Variants in HERC1 observed in about 807,000 individuals in gnomAD.
The protein encoded by HERC1 is HECT and RLD domain containing E3 ubiquitin protein ligase family member 1.
A neutral mutation model predicts 554.3 loss-of-function variants in HERC1; 160 were observed. That is an observed-to-expected ratio of 0.29 (90% CI 0.25 to 0.33). The LOEUF (loss-of-function observed/expected upper bound fraction) is 0.33, where lower values mean the gene tolerates loss of function less well. Among genes scored for constraint, HERC1 ranks in the 10% least tolerant of loss-of-function variants. The pLI is 1.00. For missense variants in HERC1, 4,919 were observed against 5,918.5 expected (o/e 0.83, Z 5.54); for synonymous variants, 2,175 against 2,131.7 (o/e 1.02, Z -0.56).
In HERC1 at chr15:63,706,679, G is replaced by A. The variant is rs2073021670; in HGVS notation, c.4636+101C>T. ...AAGACAATCATATCTAAATACATCA[G>A]ATATAAAAACAGCTTCTTAATTTAT... On this transcript the variant is annotated intron_variant, in intron 25 of 77. Coordinates refer to ENST00000443617, the MANE Select transcript of HERC1 (RefSeq NM_003922.4). The A allele has an allele frequency of 4.8e-6, 3 of 619,380 alleles. No individual in the cohort carries two copies. In the South Asian group the frequency reaches 9.2e-5, roughly 19 times the overall value. The allele number at this position is 619,380 out of a possible 1,614,324, so 38.4% of individuals were successfully genotyped here.
Position 63,640,282 on chromosome 15 carries a change from C to T in HERC1, c.11771G>A (p.Trp3924Ter). ...PDPASWNPNE[W>*]AWLECFSTTI... is the part of the protein sequence containing the mutation. ...GGTTGAGAAACATTCTAACCAGGCC[C>T]ATTCATTTGGATTCCAGGATGCAGG... The change falls in exon 61 of 78, where the codon TGG becomes TAG. Residue 3924 changes from tryptophan to a stop codon, truncating the protein, a stop_gained. Coordinates refer to ENST00000443617, the MANE Select transcript of HERC1 (RefSeq NM_003922.4). LOFTEE classifies it high-confidence loss of function. The T allele has an allele frequency of 6.2e-7, 1 of 1,613,894 alleles. No individual in the cohort carries two copies. The highest frequency in any genetic ancestry group is 2.2e-5 in the East Asian group (1 of 44,884).
At chr15:63,717,588 T>G (rs978397078) in intron 21 of HERC1, among the ~76,000 whole-genome samples, 3 of 152,238 alleles carry the variant, frequency 2.0e-5, no homozygotes, top group Non-Finnish European at 4.4e-5. Context: ...GTGAGGTGGC[T>G]CACGCCTATA....
intron 1 of HERC1, among the ~76,000 whole-genome samples, chr15:63,783,936 G>A (rs2076361873): frequency 6.6e-6 from 1 of 151,880 alleles, no homozygotes; most frequent in Non-Finnish European, 1.5e-5. Flanking sequence ...CATGGTAGTG[G>A]GCGCCTGTAA....
chr15:63,792,626 G>A (rs1039185723), intron 1 of HERC1, among the ~76,000 whole-genome samples: 2 of 152,040 alleles, frequency 1.3e-5, no homozygotes, highest in African/African-American at 4.8e-5. Flanking sequence ...TTACCTTCTT[G>A]GATGATATAG....
chr15:63,693,974 T>G lies in HERC1; in HGVS notation c.5664A>C (p.Lys1888Asn). ...AGAGGCTTACATTACCTCTGAAATCTTTCTTCTCAGTTTCTCCACTGGAGT... is the reference window on the plus strand; with the variant it reads ...AGAGGCTTACATTACCTCTGAAATCGTTCTTCTCAGTTTCTCCACTGGAGT... ...KVDSSGETEK[K>N]DFRAALRKQH... Residue 1888 changes from lysine (K) to asparagine (N), a missense_variant, in exon 30 of 78, where the codon AAA becomes AAC. By Grantham distance (94) the Lys-to-Asn change is moderately conservative. Coordinates refer to ENST00000443617, the MANE Select transcript of HERC1 (RefSeq NM_003922.4). 1.3e-6 allele frequency: 2 copies of G among 1,551,490 alleles called. No homozygotes were observed. The highest frequency in any genetic ancestry group is 1.7e-6 in the Non-Finnish European group (2 of 1,147,144).
chr15:63,628,291 C>T (rs1018940762), intron 70 of HERC1, among the ~76,000 whole-genome samples: 4 of 152,072 alleles, frequency 2.6e-5, no homozygotes, highest in African/African-American at 9.7e-5. Flanking sequence ...ACTTGGGAGG[C>T]TGAGGCAGCA....
At chr15:63,807,234 C>CT (rs1213128944) in intron 1 of HERC1, among the ~76,000 whole-genome samples, 1 of 152,210 alleles carries the variant, frequency 6.6e-6, no homozygotes, top group Non-Finnish European at 1.5e-5. Flanking sequence ...GCTTTGCACC[C>CT]TGTGAGGCTG....
intron 24 of HERC1, among the ~76,000 whole-genome samples, chr15:63,708,032 C>T (rs2073109384): frequency 6.6e-6 from 1 of 151,766 alleles, no homozygotes; most frequent in Non-Finnish European, 1.5e-5. Flanking sequence ...TACATGTACC[C>T]CTGGTGCAGA....
At chr15:63,670,175 AG>A (rs139827570) in intron 39 of HERC1, among the ~76,000 whole-genome samples, 1,881 of 152,320 alleles carry the variant, frequency 0.012, 36 homozygotes, top group African/African-American at 0.043. Flanking sequence ...TGGAAAGAAA[AG>A]GTAACTGTCT....
At chr15:63,824,976 C>T (rs1434943411) in intron 1 of HERC1, among the ~76,000 whole-genome samples, 1 of 151,644 alleles carries the variant, frequency 6.6e-6, no homozygotes, top group Non-Finnish European at 1.5e-5. Context: ...AACAAAGTTG[C>T]AGTTATGTAG....
intron 21 of HERC1, 86 bp from the exon 22 acceptor site, chr15:63,716,559 G>C (rs2073564484): frequency 2.7e-6 from 3 of 1,121,902 alleles, no homozygotes; most frequent in Admixed American, 6.0e-5. Flanking sequence ...TTTTTATCAT[G>C]GAAAATATTG....
At chr15:63,823,235 A>G (rs1442120001) in intron 1 of HERC1, among the ~76,000 whole-genome samples, 4 of 152,146 alleles carry the variant, frequency 2.6e-5, no homozygotes, top group African/African-American at 4.8e-5. Flanking sequence ...GCTCCCACGT[A>G]TAAGTGAGAA....
intron 61 of HERC1, among the ~76,000 whole-genome samples, chr15:63,639,631 T>A (rs1270659225): frequency 6.6e-6 from 1 of 152,236 alleles, no homozygotes; most frequent in African/African-American, 2.4e-5. Flanking sequence ...ACAAAGAGGT[T>A]GTTAGATCAT....
chr15:63,831,671 A>T (rs2078160535), intron 1 of HERC1, among the ~76,000 whole-genome samples: 1 of 152,056 alleles, frequency 6.6e-6, no homozygotes, highest in South Asian at 2.1e-4. Context: ...AATATTAGGG[A>T]GTATTCAGTA....
intron 7 of HERC1, among the ~76,000 whole-genome samples, chr15:63,753,586 A>T (rs1337261620): frequency 6.6e-6 from 1 of 152,008 alleles, no homozygotes; most frequent in African/African-American, 2.4e-5. Context: ...CACCAGGAAT[A>T]AAAAAAAGTA....
chr15:63,714,636 A>C (rs1596047012), intron 22 of HERC1, among the ~76,000 whole-genome samples: 1 of 126,452 alleles, frequency 7.9e-6, no homozygotes, highest in Non-Finnish European at 1.6e-5. Flanking sequence ...TGCAACCTCC[A>C]CCCCCAGGTT....
chr15:63,725,587 T>G, intron 17 of HERC1, 74 bp from the exon 18 acceptor site: 1 of 1,176,770 alleles, frequency 8.5e-7, no homozygotes, highest in Non-Finnish European at 1.2e-6. Flanking sequence ...CATAGTCTCC[T>G]ACCGTACTGC....
rs543777826 is a variant in HERC1 at position 63,615,649 on chromosome 15, T to C, written c.14094+119A>G. On this transcript the variant is annotated intron_variant, in intron 76 of 77. Transcript: ENST00000443617. ...AAATTAAAATAAATAAATTCATACATACATACAGAGGAATTAACACAGTAA... is the reference window on the plus strand; with the variant it reads ...AAATTAAAATAAATAAATTCATACACACATACAGAGGAATTAACACAGTAA... The C allele has an allele frequency of 9.3e-5, 61 of 655,932 alleles. No individual in the cohort carries two copies. In the African/African-American group the frequency reaches 1.0e-3, roughly 11 times the overall value. The allele number at this position is 655,932 out of a possible 1,614,324, so 40.6% of individuals were successfully genotyped here.
chr15:63,819,380 A>G (rs936933514), intron 1 of HERC1, among the ~76,000 whole-genome samples: 7 of 152,220 alleles, frequency 4.6e-5, no homozygotes, highest in African/African-American at 7.2e-5. Context: ...AATGTTTACA[A>G]AAGTATTTTA....
Sources: gnomAD v4.1 joint callset for allele counts (sites outside exome capture counted in the v4.1 genomes callset) on GRCh38, gnomAD v4.1.1 for gene constraint, MANE v1.5 for transcripts, NCBI Gene and HGNC (gene_info 2026-07-23, HGNC 2026-07-21) for gene names.